TP53BP1: variants seen among roughly 807,000 people sequenced by gnomAD.
TP53BP1 encodes TP53-binding protein 1.
A neutral mutation model predicts 200.8 loss-of-function variants in TP53BP1; 61 were observed. The ratio of observed to expected loss-of-function variants is 0.30; its 90% CI spans 0.25 to 0.38. TP53BP1 has a LOEUF of 0.38. TP53BP1 is among the 10% of genes least tolerant of loss of function. TP53BP1 has a pLI of 1.00. For synonymous variants in TP53BP1, 822 were observed against 844.3 expected, an observed-to-expected ratio of 0.97 and a Z score of 0.46; for missense variants, 2,144 against 2,371.9, an observed-to-expected ratio of 0.90 and a Z score of 2.00.
At chr15:43,474,291 G>A (rs559432024) in intron 10 of TP53BP1, among the ~76,000 whole-genome samples, 21 of 152,216 alleles carry the variant, frequency 1.4e-4, no homozygotes, top group East Asian at 1.4e-3. Context: ...CTGAGGGAGC[G>A]GGCTCCAGCC....
At chr15:43,420,023 A>G (rs2142990514) in intron 21 of TP53BP1, among the ~76,000 whole-genome samples, 1 of 152,358 alleles carries the variant, frequency 6.6e-6, no homozygotes, top group East Asian at 1.9e-4. Context: ...AACAATAGGG[A>G]AAGCTGGATG....
In TP53BP1 at chr15:43,492,431, T is replaced by C; in HGVS notation, c.45A>G (p.Ser15=). 3.1e-6 allele frequency: 5 copies of C among 1,614,092 alleles called. No individual in the cohort carries two copies. The highest frequency in any genetic ancestry group is 4.2e-6 in the Non-Finnish European group (5 of 1,179,994). Residue 15 remains serine, a synonymous_variant, in exon 2 of 28, where the codon TCA becomes TCG. Transcript: ENST00000382044. Reference sequence around the variant, plus strand: ...AAGGAGTATCTTGCTGAGAGAAATCTGAATCCAACTGACTTCCAGTAGGGT... The same window carrying C: ...AAGGAGTATCTTGCTGAGAGAAATCCGAATCCAACTGACTTCCAGTAGGGT... ...QMDPTGSQLD[S]DFSQQDTPCL...
At position 43,407,556 on chromosome 15, in the gene TP53BP1, C is replaced by T. The variant is rs143175833; in HGVS notation, c.5761G>A (p.Val1921Ile). The change falls in exon 28 of 28, where the codon GTA becomes ATA. Residue 1921 changes from valine (V) to isoleucine (I), a missense_variant. This residue lies in a region of TP53BP1 where 334 missense variants were observed against 453.4 expected (regional missense o/e 0.74). Transcript: ENST00000382044. Reference protein sequence around the residue: ...SAHNKDIALGVFDVVVTDPSC... With the variant: ...SAHNKDIALGIFDVVVTDPSC... Reference sequence around the variant, plus strand: ...GGGTCCGTCACCACCACATCAAATACCCCTAAAGCAATATCTGCAAGGAGC... The same window carrying T: ...GGGTCCGTCACCACCACATCAAATATCCCTAAAGCAATATCTGCAAGGAGC... The T allele has an allele frequency of 2.4e-5, 39 of 1,611,830 alleles. No homozygotes were observed. Among genetic ancestry groups the T allele is most frequent in the Admixed American group, 1.2e-4 (7 of 59,768 alleles).
At chr15:43,483,241 C>CACACAG (rs2078999370) in intron 4 of TP53BP1, among the ~76,000 whole-genome samples, 1 of 147,952 alleles carries the variant, frequency 6.8e-6, no homozygotes, top group African/African-American at 2.6e-5. Flanking sequence ...AGAACACACA[C>CACACAG]ACACACACAC....
Position 43,408,967 on chromosome 15 carries a change from G to C in TP53BP1, c.5530C>G (p.Gln1844Glu). 1.2e-6 allele frequency: 2 copies of C among 1,614,178 alleles called. No homozygotes were observed. The highest frequency in any genetic ancestry group is 1.1e-5 in the South Asian group (1 of 91,090). The stretch of plus-strand genomic sequence containing the variant: ...AGATAATTACGGTAGTTCTGGAGCT[G>C]GTTGGCATGGCAACTATCATGGACC... ...VWVHDSCHAN[Q>E]LQNYRNYLLP... Residue 1844 changes from glutamine to glutamate, a missense_variant, in exon 26 of 28, where the codon CAG becomes GAG. Transcript: ENST00000382044.
At chr15:43,414,307 A>C (rs1227035381) in intron 23 of TP53BP1, among the ~76,000 whole-genome samples, 1 of 152,194 alleles carries the variant, frequency 6.6e-6, no homozygotes, top group Non-Finnish European at 1.5e-5. Flanking sequence ...TATACTTCAT[A>C]AGGATTGTAT....
In TP53BP1 at chr15:43,492,344, G is replaced by A; in HGVS notation, c.132C>T (p.His44=). 1.9e-6 allele frequency: 3 copies of A among 1,614,154 alleles called. No individual in the cohort carries two copies. The highest frequency in any genetic ancestry group is 2.5e-6 in the Non-Finnish European group (3 of 1,180,010). ...GAAGGTGTCGAGATAGCATACTGAA[G>A]TGAGAACCAGAATCATCCTCTAGAA... The part of the protein sequence containing the change: ...SQVLEDDSGS[H]FSMLSRHLPN... The change falls in exon 2 of 28, where the codon CAC becomes CAT. Residue 44 remains histidine, a synonymous_variant. Transcript: ENST00000382044.
In TP53BP1 at chr15:43,479,481, T is replaced by C; in HGVS notation, c.704A>G (p.Glu235Gly). 1 of 1,613,950 alleles carries C rather than the reference T, an allele frequency of 6.2e-7. No individual in the cohort carries two copies. The highest frequency in any genetic ancestry group is 8.5e-7 in the Non-Finnish European group (1 of 1,179,936). Reference sequence around the variant, plus strand: ...CACAGGGATGTCCTTGCTGGACTGTTCTGCTATGGGGATATCTTCGTTGGA... The same window carrying C: ...CACAGGGATGTCCTTGCTGGACTGTCCTGCTATGGGGATATCTTCGTTGGA... ...EQSNEDIPIA[E>G]QSSKDIPVTA... The change falls in exon 7 of 28, where the codon GAA (glutamate) becomes GGA (glycine). Residue 235 changes from glutamate to glycine, a missense_variant. This residue lies in a region of TP53BP1 where 1,700 missense variants were observed against 1,710.3 expected (regional missense o/e 0.99). Coordinates refer to ENST00000382044, the MANE Select transcript of TP53BP1 (RefSeq NM_001141980.3).
rs931226187 is a variant in TP53BP1, at chr15:43,432,219, T to C, written c.3650A>G (p.Asp1217Gly). The C allele has an allele frequency of 6.2e-7, 1 of 1,613,882 alleles. No homozygotes were observed. Among genetic ancestry groups the C allele is most frequent in the African/African-American group, 1.3e-5 (1 of 74,886 alleles). Residue 1217 changes from aspartate to glycine, a missense_variant, in exon 17 of 28, where the codon GAT becomes GGT. This residue lies in a region of TP53BP1 where 1,700 missense variants were observed against 1,710.3 expected (regional missense o/e 0.99). Coordinates refer to ENST00000382044, the MANE Select transcript of TP53BP1 (RefSeq NM_001141980.3). ...CTGGCTATGGAGCGACTCTGTATCA[T>C]CCCCAGGAGCACTGACTGGTTTCTC... ...SGEKPVSAPG[D>G]DTESLHSQGE...
At chr15:43,434,527 A>G (rs1005711420) in intron 16 of TP53BP1, among the ~76,000 whole-genome samples, 1 of 152,178 alleles carries the variant, frequency 6.6e-6, no homozygotes, top group African/African-American at 2.4e-5. Context: ...ACTTACATTA[A>G]ATCCTAACCA....
chr15:43,453,877 A>G (rs1256009188), intron 12 of TP53BP1, among the ~76,000 whole-genome samples: 1 of 151,890 alleles, frequency 6.6e-6, no homozygotes, highest in Non-Finnish European at 1.5e-5. Flanking sequence ...AAAAAAAAGT[A>G]CTATTAATAA....
chr15:43,476,953 GA>G (rs1188823511), intron 8 of TP53BP1, among the ~76,000 whole-genome samples: 1 of 152,168 alleles, frequency 6.6e-6, no homozygotes, highest in Non-Finnish European at 1.5e-5. Flanking sequence ...AGATGAATAT[GA>G]AAAACCTAGG....
Position 43,477,590 on chromosome 15 carries a change from T to C in TP53BP1, c.955+3A>G. ...AGCTGTAACGACAAATCACTCTTGG[T>C]ACCTGTTTTATTGCTCTGGTCAAAC... is the stretch of plus-strand genomic sequence containing the variant. On this transcript the variant is annotated splice_donor_region_variant and intron_variant, in intron 8 of 27. Coordinates refer to ENST00000382044, the MANE Select transcript of TP53BP1 (RefSeq NM_001141980.3). The C allele has an allele frequency of 6.2e-7, 1 of 1,606,050 alleles. No homozygotes were observed. Among genetic ancestry groups the C allele is most frequent in the Non-Finnish European group, 8.5e-7 (1 of 1,177,636 alleles).
chr15:43,461,782 C>T, intron 11 of TP53BP1, among the ~76,000 whole-genome samples: 1 of 151,362 alleles, frequency 6.6e-6, no homozygotes. Context: ...GATTTTCCTG[C>T]CTCAGCCTCC....
At chr15:43,433,797 G>A (rs895582946) in intron 16 of TP53BP1, among the ~76,000 whole-genome samples, 4 of 152,140 alleles carry the variant, frequency 2.6e-5, no homozygotes, top group Non-Finnish European at 4.4e-5. Context: ...CATGAAGGAC[G>A]ATAAGGGGCC....
At chr15:43,415,112 A>G (rs2045230254) in intron 23 of TP53BP1, 1 of 195,470 alleles carries the variant, frequency 5.1e-6, no homozygotes, top group African/African-American at 2.4e-5. Flanking sequence ...AATTACACCT[A>G]TTTTGAATCT....
In TP53BP1 at chr15:43,475,684, A is replaced by C. The variant is rs754411499; in HGVS notation, c.966T>G (p.Asp322Glu). Reference sequence around the variant, plus strand: ...CCTCCCTTGAAGGAGTAGAGCAACCATCAGAAGATACTGAAAAAAAGAAAT... The same window carrying C: ...CCTCCCTTGAAGGAGTAGAGCAACCCTCAGAAGATACTGAAAAAAAGAAAT... ...FDQSNKTVSS[D>E]GCSTPSREEG... is the part of the protein sequence containing the mutation. The change falls in exon 9 of 28, where the codon GAT becomes GAG. Residue 322 changes from aspartate (D) to glutamate (E), a missense_variant. This residue lies in a region of TP53BP1 where 1,700 missense variants were observed against 1,710.3 expected (regional missense o/e 0.99). Transcript: ENST00000382044. The C allele has an allele frequency of 6.2e-7, 1 of 1,613,864 alleles. No homozygotes were observed.
chr15:43,405,355 A>G lies in TP53BP1; in HGVS notation c.*2028T>C, dbSNP rs1187410672. On this transcript the variant is annotated 3_prime_UTR_variant, in exon 28 of 28. Coordinates refer to ENST00000382044, the MANE Select transcript of TP53BP1 (RefSeq NM_001141980.3). ...TCTACCTTTTCTCCTAGAAGCAGTT[A>G]CTGAACATCCAGGAGTACAACTCCT... 5 of 927,028 alleles carry G rather than the reference A, an allele frequency of 5.4e-6. No homozygotes were observed. Among genetic ancestry groups the G allele is most frequent in the Non-Finnish European group, 8.4e-6 (5 of 593,194 alleles). 57.4% of individuals were successfully genotyped at this position (927,028 alleles called of 1,614,324 possible). A position where few individuals can be genotyped will look rare whatever the true frequency, so the allele number is the denominator to read the frequency against.
intron 4 of TP53BP1, among the ~76,000 whole-genome samples, chr15:43,486,318 G>A (rs147298206): frequency 0.011 from 1,642 of 152,304 alleles, 12 homozygotes; most frequent in Middle Eastern, 0.024. Context: ...GGAGGTTGCC[G>A]TGAGCCAAGA....
Sources: gnomAD v4.1 joint callset for allele counts (sites outside exome capture counted in the v4.1 genomes callset) on GRCh38, gnomAD v4.1.1 for gene constraint, gnomAD v4.1.1 regional missense constraint, MANE v1.5 for transcripts, NCBI Gene and HGNC (gene_info 2026-07-23, HGNC 2026-07-21) for gene names.